Variants in SGMS1 observed in about 807,000 individuals in gnomAD.
SGMS1 encodes the protein phosphatidylcholine:ceramide cholinephosphotransferase 1.
In SGMS1, 13 loss-of-function variants were observed where a neutral mutation model predicts 46.2. The ratio of observed to expected loss-of-function variants is 0.28; its 90% CI spans 0.18 to 0.45. The LOEUF (loss-of-function observed/expected upper bound fraction) is 0.45, where lower values mean the gene tolerates loss of function less well. Among genes scored for constraint, SGMS1 ranks in the 20% least tolerant of loss-of-function variants. The probability of loss-of-function intolerance (pLI) is 1.00; values close to 1 mark genes in which losing one functional copy is unlikely to be tolerated. For synonymous variants in SGMS1, 203 were observed against 187.8 expected (o/e 1.08, Z -0.66); for missense variants, 324 against 519.9 (o/e 0.62, Z 3.66).
intron 1 of SGMS1, among the ~76,000 whole-genome samples, chr10:50,599,130 C>CT (rs1425804215): frequency 6.6e-6 from 1 of 152,086 alleles, no homozygotes; most frequent in African/African-American, 2.4e-5. Flanking sequence ...GAATCAAATG[C>CT]TGAAACAGAC....
intron 6 of SGMS1, among the ~76,000 whole-genome samples, chr10:50,402,003 T>C (rs561930813): frequency 2.7e-4 from 41 of 152,370 alleles, no homozygotes; most frequent in Non-Finnish European, 5.3e-4. Context: ...CAAGAAATTA[T>C]TTGTGAGCTT....
At chr10:50,320,329 C>T (rs973450227) in intron 8 of SGMS1, among the ~76,000 whole-genome samples, 1 of 152,158 alleles carries the variant, frequency 6.6e-6, no homozygotes, top group African/African-American at 2.4e-5. Flanking sequence ...AGACATTAGG[C>T]TGGTCACATA....
chr10:50,552,029 T>C (rs149169260), intron 2 of SGMS1, among the ~76,000 whole-genome samples: 363 of 152,288 alleles, frequency 2.4e-3, no homozygotes, highest in Non-Finnish European at 2.5e-3. Flanking sequence ...TCACACGCAA[T>C]ATGCAAACAA....
At chr10:50,566,581 A>G (rs2131849786) in intron 2 of SGMS1, among the ~76,000 whole-genome samples, 1 of 152,372 alleles carries the variant, frequency 6.6e-6, no homozygotes, top group East Asian at 1.9e-4. Context: ...GTATGCACTT[A>G]TAGCCAAACT....
At chr10:50,610,098 T>G (rs1023835708) in intron 1 of SGMS1, among the ~76,000 whole-genome samples, 1 of 152,144 alleles carries the variant, frequency 6.6e-6, no homozygotes, top group South Asian at 2.1e-4. Flanking sequence ...CGCCTTTGCT[T>G]CCACTAAGTC....
chr10:50,452,825 G>T (rs571316276), intron 5 of SGMS1, among the ~76,000 whole-genome samples: 66 of 152,248 alleles, frequency 4.3e-4, no homozygotes, highest in African/African-American at 1.4e-3. Flanking sequence ...TTTTTTAACC[G>T]TAGCATCTTC....
At chr10:50,483,047 G>A (rs949094480) in intron 3 of SGMS1, among the ~76,000 whole-genome samples, 6 of 151,942 alleles carry the variant, frequency 3.9e-5, no homozygotes, top group South Asian at 2.1e-4. Flanking sequence ...AGGAGCACCC[G>A]AATTCATAAA....
chr10:50,567,649 T>C (rs2983363), intron 2 of SGMS1, among the ~76,000 whole-genome samples: 126,795 of 152,130 alleles, frequency 0.83, 52,972 homozygotes, highest in East Asian at 1. Flanking sequence ...ATCTAACATC[T>C]GACCCACTTT....
chr10:50,346,871 T>C (rs1847921184), intron 6 of SGMS1, among the ~76,000 whole-genome samples: 1 of 152,012 alleles, frequency 6.6e-6, no homozygotes, highest in Non-Finnish European at 1.5e-5. Flanking sequence ...GGCTAATTTT[T>C]AAAATATCTG....
chr10:50,459,275 T>C (rs1293169431), intron 5 of SGMS1, among the ~76,000 whole-genome samples: 1 of 152,194 alleles, frequency 6.6e-6, no homozygotes, highest in East Asian at 1.9e-4. Flanking sequence ...ATAAAAATAA[T>C]AAAAGTTGAA....
chr10:50,435,374 C>G (rs1173440734), intron 5 of SGMS1, among the ~76,000 whole-genome samples: 14 of 152,178 alleles, frequency 9.2e-5, no homozygotes. Context: ...GGTAGCAAGA[C>G]TATTAAATTC....
chr10:50,586,377 A>T (rs899357313), intron 2 of SGMS1, among the ~76,000 whole-genome samples: 1 of 152,214 alleles, frequency 6.6e-6, no homozygotes, highest in Non-Finnish European at 1.5e-5. Context: ...CTGAATTTAC[A>T]TCCCTGAACT....
chr10:50,332,440 AC>A (rs147243202), intron 7 of SGMS1, among the ~76,000 whole-genome samples: 1,749 of 152,030 alleles, frequency 0.012, 40 homozygotes, highest in African/African-American at 0.04. Context: ...CCTCCTGACA[AC>A]ATTCTGCACC....
intron 6 of SGMS1, among the ~76,000 whole-genome samples, chr10:50,427,266 G>A (rs1456953730): frequency 6.6e-6 from 1 of 152,130 alleles, no homozygotes; most frequent in Non-Finnish European, 1.5e-5. Context: ...GGGTGTGGTG[G>A]CGGGCGCCTG....
At chr10:50,546,388 T>C (rs1350984294) in intron 2 of SGMS1, among the ~76,000 whole-genome samples, 1 of 152,158 alleles carries the variant, frequency 6.6e-6, no homozygotes, top group Non-Finnish European at 1.5e-5. Flanking sequence ...ACCCAAAGGA[T>C]TATAAATCAT....
intron 5 of SGMS1, among the ~76,000 whole-genome samples, chr10:50,451,566 T>A (rs1459522246): frequency 1.3e-5 from 2 of 152,192 alleles, no homozygotes; most frequent in Non-Finnish European, 2.9e-5. Flanking sequence ...AATGTGGCAA[T>A]GCAGACTGAG....
chr10:50,355,826 G>A (rs1405137356), intron 6 of SGMS1, among the ~76,000 whole-genome samples: 1 of 151,394 alleles, frequency 6.6e-6, no homozygotes, highest in African/African-American at 2.4e-5. Context: ...CTAGGATGTG[G>A]GGAGCGCCTC....
chr10:50,344,859 A>G (rs1225310025), intron 6 of SGMS1, among the ~76,000 whole-genome samples: 1 of 150,168 alleles, frequency 6.7e-6, no homozygotes, highest in African/African-American at 2.5e-5. Context: ...CGACAGAGCG[A>G]GATTCCTTCT....
chr10:50,580,857 C>T lies in SGMS1; in HGVS notation c.-589+9296G>A, dbSNP rs912707018. On this transcript the variant is annotated intron_variant, in intron 2 of 10. Transcript: ENST00000361781. ...GAGATCTGTTGCACAACAATGTGAA[C>T]GTGCTTAACACGAGTCAACCATACA... Among the ~76,000 whole-genome samples, 12 of 152,230 alleles carry T rather than the reference C, an allele frequency of 7.9e-5. No homozygotes were observed. In the South Asian group the frequency reaches 1.5e-3, roughly 18 times the overall value.
Sources: gnomAD v4.1 joint callset for allele counts (sites outside exome capture counted in the v4.1 genomes callset) on GRCh38, gnomAD v4.1.1 for gene constraint, MANE v1.5 for transcripts, NCBI Gene and HGNC (gene_info 2026-07-23, HGNC 2026-07-21) for gene names.